MOB4: variants seen among roughly 807,000 people sequenced by gnomAD.
MOB4 encodes MOB-like protein phocein.
Under a neutral mutation model 32.2 loss-of-function variants are expected in MOB4, and 4 were observed. That is an observed-to-expected ratio of 0.12 (90% confidence interval 0.06 to 0.28). The LOEUF is 0.28. MOB4 is among the 10% of genes least tolerant of loss of function. The pLI, the probability that MOB4 is intolerant of heterozygous loss-of-function variation, is 1.00. For missense variants in MOB4, 158 were observed against 271.2 expected, an observed-to-expected ratio of 0.58 and a Z score of 2.93; for synonymous variants, 88 against 88.1, an observed-to-expected ratio of 1.00 and a Z score of 0.01.
At chr2:197,536,404 CA>C (rs2086798809) in intron 3 of MOB4, among the ~76,000 whole-genome samples, 1 of 151,750 alleles carries the variant, frequency 6.6e-6, no homozygotes. Context: ...AAGGTTTCAC[CA>C]TGTTGCCTAG....
chr2:197,529,929 G>A (rs2086670724), intron 2 of MOB4, among the ~76,000 whole-genome samples: 1 of 152,096 alleles, frequency 6.6e-6, no homozygotes, highest in Non-Finnish European at 1.5e-5. Flanking sequence ...TGGGATTACA[G>A]GCGTGAGCCA....
At chr2:197,537,625 A>G (rs555131250) in intron 3 of MOB4, among the ~76,000 whole-genome samples, 10 of 152,280 alleles carry the variant, frequency 6.6e-5, no homozygotes, top group East Asian at 3.9e-4. Flanking sequence ...TTACTTGACT[A>G]TTTTCTAACT....
intron 2 of MOB4, among the ~76,000 whole-genome samples, chr2:197,532,377 A>G (rs1225623635): frequency 6.6e-6 from 1 of 152,222 alleles, no homozygotes; most frequent in African/African-American, 2.4e-5. Flanking sequence ...ATATATGGTT[A>G]AATAATTAAA....
At chr2:197,539,120 G>T (rs1340080282) in intron 3 of MOB4, among the ~76,000 whole-genome samples, 1 of 151,890 alleles carries the variant, frequency 6.6e-6, no homozygotes, top group Non-Finnish European at 1.5e-5. Context: ...GAACCAAAAT[G>T]ATTCAATTTT....
intron 2 of MOB4, among the ~76,000 whole-genome samples, chr2:197,530,859 G>C (rs1346290861): frequency 6.6e-6 from 1 of 152,046 alleles, no homozygotes; most frequent in Non-Finnish European, 1.5e-5. Context: ...GTCTTCCAAA[G>C]TGCTGGGATA....
intron 6 of MOB4, among the ~76,000 whole-genome samples, chr2:197,549,554 T>C (rs1428244082): frequency 6.6e-6 from 1 of 152,126 alleles, no homozygotes; most frequent in Non-Finnish European, 1.5e-5. Context: ...AATTTCTCTC[T>C]CTCTGTTTTT....
intron 1 of MOB4, among the ~76,000 whole-genome samples, chr2:197,520,392 GC>G (rs1271013386): frequency 6.6e-6 from 1 of 151,972 alleles, no homozygotes; most frequent in African/African-American, 2.4e-5. Flanking sequence ...GCCTGCCTCG[GC>G]CTCCCAAAGT....
intron 5 of MOB4, among the ~76,000 whole-genome samples, chr2:197,542,141 T>C (rs1020358287): frequency 2.6e-5 from 4 of 152,230 alleles, no homozygotes; most frequent in Non-Finnish European, 4.4e-5. Flanking sequence ...GGAAGTGATA[T>C]CCAGTTTGTG....
intron 2 of MOB4, among the ~76,000 whole-genome samples, chr2:197,533,280 A>G (rs1180114290): frequency 1.3e-5 from 2 of 152,140 alleles, no homozygotes; most frequent in Non-Finnish European, 2.9e-5. Flanking sequence ...ATTTGGACAG[A>G]ATTGTGATGT....
rs1340683869 is a variant in MOB4 at position 197,552,827 on chromosome 2, G to T, written c.*2181G>T. The T allele has an allele frequency of 1.3e-5, 2 of 152,262 alleles. No homozygotes were observed. Among genetic ancestry groups the T allele is most frequent in the Non-Finnish European group, 2.9e-5 (2 of 68,026 alleles). The allele number at this position is 152,262 out of a possible 1,614,324, so 9.4% of individuals were successfully genotyped here. ...AAACCATTGATTTATAAAAGTAAGTGTTCTAAGAGGGGAACAAGACAGTTC... is the reference window on the plus strand; with the variant it reads ...AAACCATTGATTTATAAAAGTAAGTTTTCTAAGAGGGGAACAAGACAGTTC... On this transcript the variant is annotated 3_prime_UTR_variant, in exon 8 of 8. Coordinates refer to ENST00000323303, the MANE Select transcript of MOB4 (RefSeq NM_015387.5).
chr2:197,546,231 T>C (rs915273075), intron 5 of MOB4, among the ~76,000 whole-genome samples: 16 of 151,746 alleles, frequency 1.1e-4, no homozygotes, highest in African/African-American at 3.9e-4. Flanking sequence ...ACAGCTAATT[T>C]TTTGTATTTT....
chr2:197,515,766 C>G (rs561868264), upstream of MOB4: 1 of 409,750 alleles, frequency 2.4e-6, no homozygotes, highest in African/African-American at 2.1e-5. Context: ...ACGTGCAACG[C>G]AGCCGTGCAC....
intron 1 of MOB4, among the ~76,000 whole-genome samples, chr2:197,521,655 G>GTGTA (rs2086521647): frequency 2.0e-5 from 3 of 152,156 alleles, no homozygotes. Flanking sequence ...ACCCCCAGGC[G>GTGTA]TGTATTCTCT....
At chr2:197,549,220 CTG>C (rs2087051891) in intron 6 of MOB4, among the ~76,000 whole-genome samples, 1 of 151,310 alleles carries the variant, frequency 6.6e-6, no homozygotes, top group Non-Finnish European at 1.5e-5. Flanking sequence ...AAGAGCGAAA[CTG>C]TCTCAAAAAA....
chr2:197,533,789 C>CTCAG, intron 2 of MOB4: 1 of 557,482 alleles, frequency 1.8e-6, no homozygotes, highest in Non-Finnish European at 3.5e-6. Context: ...GTGCGTGTGA[C>CTCAG]TCAGTTCTTT....
At chr2:197,536,275 C>T (rs1037331731) in intron 3 of MOB4, among the ~76,000 whole-genome samples, 2 of 152,162 alleles carry the variant, frequency 1.3e-5, no homozygotes, top group East Asian at 1.9e-4. Flanking sequence ...GCAATCTTGG[C>T]GCATTGCAGC....
intron 2 of MOB4, among the ~76,000 whole-genome samples, chr2:197,526,995 G>T (rs373351523): frequency 9.9e-5 from 15 of 152,032 alleles, no homozygotes; most frequent in African/African-American, 2.9e-4. Flanking sequence ...TTGCAATGTT[G>T]CCCAGGTTGG....
At chr2:197,543,861 C>G (rs776279505) in intron 5 of MOB4, among the ~76,000 whole-genome samples, 4 of 151,878 alleles carry the variant, frequency 2.6e-5, no homozygotes, top group Non-Finnish European at 4.4e-5. Flanking sequence ...GTCTCAGCTT[C>G]CCAAGTGGCT....
intron 1 of MOB4, among the ~76,000 whole-genome samples, chr2:197,520,004 A>G (rs992390102): frequency 2.6e-5 from 4 of 152,162 alleles, no homozygotes; most frequent in Non-Finnish European, 5.9e-5. Flanking sequence ...TTCAAAAAAG[A>G]TGAAATGTTT....
Sources: gnomAD v4.1 joint callset for allele counts (sites outside exome capture counted in the v4.1 genomes callset) on GRCh38, gnomAD v4.1.1 for gene constraint, MANE v1.5 for transcripts, NCBI Gene and HGNC (gene_info 2026-07-23, HGNC 2026-07-21) for gene names.